Variants in FHOD1 observed in about 807,000 individuals in gnomAD.
The protein encoded by FHOD1 is FH1/FH2 domain-containing protein 1.
FHOD1 carries 89 observed loss-of-function variants against 111.6 expected under a neutral mutation model. The observed-to-expected ratio is 0.80, with a 90% CI of 0.67 to 0.95. FHOD1 has a LOEUF of 0.95. Among genes scored for constraint, FHOD1 ranks in the 40% least tolerant of loss-of-function variants. The pLI, the probability that FHOD1 is intolerant of heterozygous loss-of-function variation, is 0.00. For missense variants in FHOD1, 1,446 were observed against 1,554.2 expected (o/e 0.93, Z 1.17); for synonymous variants, 618 against 639.0 (o/e 0.97, Z 0.50).
chr16:67,233,987 G>A lies in FHOD1; in HGVS notation c.1716C>T (p.Pro572=), dbSNP rs1461406021. 4.3e-6 allele frequency: 7 copies of A among 1,612,294 alleles called. No homozygotes were observed. In the South Asian group the frequency reaches 7.7e-5, roughly 18 times the overall value. ...SVEAGKDIPA[P]SPPLPLLSGV... ...CCGAGAGCAGGGGCAGTGGGGGTGA[G>A]GGAGCTGGGATGTCTTTCCCAGCCT... The change falls in exon 13 of 22, where the codon CCC becomes CCT. Residue 572 remains proline (P), a synonymous_variant. Transcript: ENST00000258201.
At chr16:67,239,581 A>G in intron 1 of FHOD1, 127 bp from the exon 2 acceptor site, 6 of 693,132 alleles carry the variant, frequency 8.7e-6, no homozygotes, top group Middle Eastern at 2.4e-4. Flanking sequence ...ACAGCTGTGC[A>G]TTCCTTCAGC....
rs1417524069 is a variant in FHOD1, at chr16:67,229,482, ACACT to A, written c.*150_*153del. The stretch of plus-strand genomic sequence containing the variant: ...TGCATGCACACACACACATACACAC[ACACT>A]CACATGCATACACACACGGCTAATA... On this transcript the variant is annotated 3_prime_UTR_variant, in exon 22 of 22. Transcript: ENST00000258201. 9 of 685,164 alleles carry A rather than the reference ACACT, an allele frequency of 1.3e-5. No individual in the cohort carries two copies. The Middle Eastern group carries it at 8.0e-4, about 61-fold the overall frequency. 42.4% of individuals were successfully genotyped at this position (685,164 alleles called of 1,614,324 possible).
chr16:67,229,469 C>CACACAT lies in FHOD1; in HGVS notation c.*161_*166dup. ...ATGCACATGCATATGCATGCACACA[C>CACACAT]ACACATACACACACACTCACATGCA... On this transcript the variant is annotated 3_prime_UTR_variant, in exon 22 of 22. Coordinates refer to ENST00000258201, the MANE Select transcript of FHOD1 (RefSeq NM_013241.3). The CACACAT allele has an allele frequency of 1.5e-6, 1 of 652,084 alleles. No homozygotes were observed. The highest frequency in any genetic ancestry group is 1.8e-5 in the South Asian group (1 of 55,948). 40.4% of individuals were successfully genotyped at this position (652,084 alleles called of 1,614,324 possible). A position where few individuals can be genotyped will look rare whatever the true frequency, so the allele number is the denominator to read the frequency against.
chr16:67,234,280 AAGG>A lies in FHOD1; in HGVS notation c.1436-16_1436-14del. On this transcript the variant is annotated splice_polypyrimidine_tract_variant and intron_variant, in intron 12 of 21. Coordinates refer to ENST00000258201, the MANE Select transcript of FHOD1 (RefSeq NM_013241.3). The stretch of plus-strand genomic sequence containing the variant: ...AGTTGCCGGGCATCTAAAGAAAGGG[AAGG>A]AGCTGTCAGTGCCATGCCCCCTGTG... 6 of 1,579,436 alleles carry A rather than the reference AAGG, an allele frequency of 3.8e-6. No individual in the cohort carries two copies. Among genetic ancestry groups the A allele is most frequent in the Non-Finnish European group, 5.2e-6 (6 of 1,159,278 alleles).
chr16:67,237,785 G>A lies in FHOD1; in HGVS notation c.643-17C>T. 6 of 1,603,496 alleles carry A rather than the reference G, an allele frequency of 3.7e-6. No individual in the cohort carries two copies. Among genetic ancestry groups the A allele is most frequent in the Non-Finnish European group, 4.3e-6 (5 of 1,170,270 alleles). ...CAAGCGGGACTGAGGAGAGAGGTCA[G>A]TACATATGAGTGGGGCTTAGGCCAG... is the stretch of plus-strand genomic sequence containing the variant. On this transcript the variant is annotated splice_polypyrimidine_tract_variant and intron_variant, in intron 6 of 21. Coordinates refer to ENST00000258201, the MANE Select transcript of FHOD1 (RefSeq NM_013241.3). The surrounding 1 kb of genome is among the most constrained non-coding windows in gnomAD (Gnocchi z 5.6).
rs2034165175 is a variant in FHOD1, at chr16:67,229,604, G to A, written c.*32C>T. 21 of 1,594,828 alleles carry A rather than the reference G, an allele frequency of 1.3e-5. No individual in the cohort carries two copies. The highest frequency in any genetic ancestry group is 8.0e-5 in the African/African-American group (6 of 74,538). ...CTGTCATCTCCTGCACTGCAGTCCA[G>A]GGTCCAGATAGATTTCCGGGATACA... On this transcript the variant is annotated 3_prime_UTR_variant, in exon 22 of 22. Coordinates refer to ENST00000258201, the MANE Select transcript of FHOD1 (RefSeq NM_013241.3).
rs2034295101 is a variant in FHOD1 at position 67,232,000 on chromosome 16, C to T, written c.2202+39G>A. 1 of 1,609,512 alleles carries T rather than the reference C, an allele frequency of 6.2e-7. No homozygotes were observed. Among genetic ancestry groups the T allele is most frequent in the Non-Finnish European group, 8.5e-7 (1 of 1,177,162 alleles). On this transcript the variant is annotated intron_variant, in intron 14 of 21. Transcript: ENST00000258201. The surrounding 1 kb of genome is among the most constrained non-coding windows in gnomAD (Gnocchi z 4.3). Reference sequence around the variant, plus strand: ...AATGCCCACCTACCAAAGGAGAAGGCCAGACCTCCCCCCAACACCCATAGC... The same window carrying T: ...AATGCCCACCTACCAAAGGAGAAGGTCAGACCTCCCCCCAACACCCATAGC...
At chr16:67,242,906 T>G (rs2034706233) in intron 1 of FHOD1, among the ~76,000 whole-genome samples, 1 of 151,782 alleles carries the variant, frequency 6.6e-6, no homozygotes, top group Non-Finnish European at 1.5e-5. Context: ...GTATAATATA[T>G]AGATATAGAT....
At chr16:67,234,500 C>A in intron 11 of FHOD1, 28 bp from the exon 12 acceptor site, 1 of 1,542,516 alleles carries the variant, frequency 6.5e-7, no homozygotes. Context: ...TCACTGACAG[C>A]GTCTGACACA....
intron 2 of FHOD1, 68 bp from the exon 3 acceptor site, chr16:67,239,035 G>A (rs2034593776): frequency 1.3e-6 from 2 of 1,515,612 alleles, no homozygotes; most frequent in Non-Finnish European, 1.8e-6. Flanking sequence ...CAAGCCAAGG[G>A]AGCCAAAGAC....
In FHOD1 at chr16:67,231,573, TCA is replaced by T. The variant is rs758202378; in HGVS notation, c.2386-26_2386-25del. 2 of 1,614,184 alleles carry T rather than the reference TCA, an allele frequency of 1.2e-6. No individual in the cohort carries two copies. The highest frequency in any genetic ancestry group is 2.2e-5 in the South Asian group (2 of 91,084). Reference sequence around the variant, plus strand: ...TCCTGGTATGGGAGACCAGGGACTCTCAGACTACATGGTCATGATGCTTACCT... The same window carrying T: ...TCCTGGTATGGGAGACCAGGGACTCTGACTACATGGTCATGATGCTTACCT... On this transcript the variant is annotated intron_variant, in intron 15 of 21. Transcript: ENST00000258201. The surrounding 1 kb of genome is among the most constrained non-coding windows in gnomAD (Gnocchi z 4.3).
chr16:67,234,426 C>T lies in FHOD1; in HGVS notation c.1366G>A (p.Val456Ile). Residue 456 changes from valine to isoleucine, a missense_variant, in exon 12 of 22, where the codon GTT (valine) becomes ATT (isoleucine). Around this residue, in one of 3 missense-constraint regions of FHOD1, gnomAD observed 1,085 missense variants for 1,108.8 expected, o/e 0.98. Coordinates refer to ENST00000258201, the MANE Select transcript of FHOD1 (RefSeq NM_013241.3). ...TCTGCCCGGCCCTGGGCCAGCGCAA[C>T]CTGCTTCTCTGTTTCTGCTGCCGCC... ...NVAAAETEKQ[V>I]ALAQGRAETL... 6.2e-7 allele frequency: 1 copy of T among 1,608,634 alleles called. No individual in the cohort carries two copies. Among genetic ancestry groups the T allele is most frequent in the South Asian group, 1.1e-5 (1 of 90,718 alleles).
chr16:67,229,869 C>T lies in FHOD1; in HGVS notation c.3336G>A (p.Val1112=), dbSNP rs1458645120. Reference sequence around the variant, plus strand: ...GAGGACTGCTCTTGGTCACTGACTGCACCAGAAGGTCCATGATCTCATCTG... The same window carrying T: ...GAGGACTGCTCTTGGTCACTGACTGTACCAGAAGGTCCATGATCTCATCTG... The part of the protein sequence containing the change: ...DTSDEIMDLL[V]QSVTKSSPRA... Residue 1112 remains valine, a synonymous_variant, in exon 21 of 22, where the codon GTG becomes GTA. Coordinates refer to ENST00000258201, the MANE Select transcript of FHOD1 (RefSeq NM_013241.3). 8.7e-6 allele frequency: 14 copies of T among 1,614,230 alleles called. No individual in the cohort carries two copies. The highest frequency in any genetic ancestry group is 1.2e-5 in the Non-Finnish European group (14 of 1,180,038).
intron 11 of FHOD1, 53 bp downstream of exon 11, chr16:67,236,504 C>T (rs976663542): frequency 2.5e-6 from 4 of 1,587,656 alleles, no homozygotes; most frequent in Non-Finnish European, 1.7e-6. Context: ...GGGCGCAAAG[C>T]GGAGGGACAA....
chr16:67,238,767 A>C lies in FHOD1; in HGVS notation c.373+136T>G. The stretch of plus-strand genomic sequence containing the variant: ...CCACTCCCACCATGGCCCTGGAAGA[A>C]GAGGTCAGGATAGGGAGAGGAAGGA... On this transcript the variant is annotated intron_variant, in intron 3 of 21. Transcript: ENST00000258201. This position sits in a 1 kb window ranked among gnomAD's most constrained non-coding sequence, Gnocchi z 4.2. The C allele has an allele frequency of 2.4e-6, 2 of 826,952 alleles. No homozygotes were observed. Among genetic ancestry groups the C allele is most frequent in the Non-Finnish European group, 4.1e-6 (2 of 491,922 alleles). 51.2% of individuals were successfully genotyped at this position (826,952 alleles called of 1,614,324 possible). A position where few individuals can be genotyped will look rare whatever the true frequency, so the allele number is the denominator to read the frequency against.
intron 1 of FHOD1, among the ~76,000 whole-genome samples, chr16:67,242,157 CAG>C (rs1163247929): frequency 6.6e-6 from 1 of 152,098 alleles, no homozygotes; most frequent in Non-Finnish European, 1.5e-5. Context: ...TTAGTAGAGA[CAG>C]GGTTTCAGCA....
At chr16:67,245,205 C>T (rs1183204283) in intron 1 of FHOD1, among the ~76,000 whole-genome samples, 1 of 152,190 alleles carries the variant, frequency 6.6e-6, no homozygotes. Flanking sequence ...GGAGGGAAGG[C>T]AGTCCTCAGG....
At position 67,233,965 on chromosome 16, in the gene FHOD1, AGAGCAG is replaced by A. The variant is rs1304538222; in HGVS notation, c.1732_1737del (p.Leu578_Leu579del). On this transcript the variant is annotated inframe_deletion, in exon 13 of 22. Transcript: ENST00000258201. ...AGTGGGGGAGGGGGGGGTACTCCCGAGAGCAGGGGCAGTGGGGGTGAGGGAGCTGGG... is the reference window on the plus strand; with the variant it reads ...AGTGGGGGAGGGGGGGGTACTCCCGAGGGCAGTGGGGGTGAGGGAGCTGGG... 6.2e-7 allele frequency: 1 copy of A among 1,601,984 alleles called. No homozygotes were observed. The highest frequency in any genetic ancestry group is 1.4e-5 in the African/African-American group (1 of 72,778).
In FHOD1 at chr16:67,237,630, TG is replaced by T. The variant is rs1010856875; in HGVS notation, c.754+26del. ...AGGTAGGAGAGAGGGCTCTGAGCGGTGGGGGGAGAAAGGGACAGTCTCTGAC... is the reference window on the plus strand; with the variant it reads ...AGGTAGGAGAGAGGGCTCTGAGCGGTGGGGGAGAAAGGGACAGTCTCTGAC... On this transcript the variant is annotated intron_variant, in intron 7 of 21. Transcript: ENST00000258201. The surrounding 1 kb of genome is among the most constrained non-coding windows in gnomAD (Gnocchi z 5.6). The T allele has an allele frequency of 3.1e-6, 5 of 1,612,462 alleles. No homozygotes were observed. The highest frequency in any genetic ancestry group is 4.2e-6 in the Non-Finnish European group (5 of 1,178,960).
Sources: allele counts gnomAD v4.1 joint callset (sites outside exome capture counted in the v4.1 genomes callset), GRCh38; gene constraint gnomAD v4.1.1; regional missense constraint gnomAD v4.1.1; non-coding constraint Gnocchi (gnomAD v3.1); transcripts MANE v1.5; gene names NCBI Gene and HGNC (gene_info 2026-07-23, HGNC 2026-07-21).